The following ZFAT variants were observed in gnomAD, a reference collection of about 807,000 sequenced individuals.
ZFAT encodes the protein zinc finger and AT-hook domain containing, also known as zinc finger protein ZFAT.
A neutral mutation model predicts 117.7 loss-of-function variants in ZFAT; 64 were observed. The ratio of observed to expected loss-of-function variants is 0.54; its 90% CI spans 0.44 to 0.67. The LOEUF is 0.67. Ranked by LOEUF, ZFAT falls within the 30% of genes least tolerant of loss-of-function variation. ZFAT has a pLI of 0.00. For missense variants in ZFAT, 1,433 were observed against 1,584.5 expected, an observed-to-expected ratio of 0.90 and a Z score of 1.62; for synonymous variants, 679 against 615.0, an observed-to-expected ratio of 1.10 and a Z score of -1.54.
At chr8:134,725,678 T>C in the ZFAT span, among the ~76,000 whole-genome samples, 1 of 151,878 alleles carries the variant, frequency 6.6e-6, no homozygotes, top group Non-Finnish European at 1.5e-5. Flanking sequence ...AGAGCCAAAC[T>C]GTATCAAGTG....
At chr8:134,586,692 A>G (rs1826091919) in intron 9 of ZFAT, among the ~76,000 whole-genome samples, 1 of 152,234 alleles carries the variant, frequency 6.6e-6, no homozygotes, top group Non-Finnish European at 1.5e-5. Flanking sequence ...TTCATAACAA[A>G]GAAACAACAC....
At chr8:134,724,545 C>T in the ZFAT span, among the ~76,000 whole-genome samples, 2 of 152,018 alleles carry the variant, frequency 1.3e-5, no homozygotes, top group African/African-American at 2.4e-5. Context: ...GGAAAGATTT[C>T]GTTAGTATAA....
chr8:134,565,991 G>A (rs1470145246), intron 10 of ZFAT, among the ~76,000 whole-genome samples: 1 of 151,860 alleles, frequency 6.6e-6, no homozygotes, highest in East Asian at 1.9e-4. Context: ...GGCCAGCAAA[G>A]TGCAGGATCT....
chr8:134,669,842 T>C (rs973346648), intron 1 of ZFAT, among the ~76,000 whole-genome samples: 8 of 152,200 alleles, frequency 5.3e-5, no homozygotes, highest in African/African-American at 1.7e-4. Context: ...ATCAGTGTGC[T>C]GTATTCAGGA....
chr8:134,627,503 G>A (rs950334271), intron 3 of ZFAT, among the ~76,000 whole-genome samples: 1 of 152,146 alleles, frequency 6.6e-6, no homozygotes, highest in African/African-American at 2.4e-5. Context: ...GAGAGCAGGA[G>A]GAAAAAGAAC....
chr8:134,613,636 T>A (rs921237494), intron 3 of ZFAT, among the ~76,000 whole-genome samples: 16 of 152,306 alleles, frequency 1.1e-4, no homozygotes, highest in Non-Finnish European at 1.8e-4. Context: ...TGGAGTGTGA[T>A]GCCACCTCCC....
intron 15 of ZFAT, among the ~76,000 whole-genome samples, chr8:134,488,076 C>T (rs1336663858): frequency 1.3e-5 from 2 of 152,168 alleles, no homozygotes; most frequent in African/African-American, 2.4e-5. Flanking sequence ...TGCAGCAAGC[C>T]CCAAGTAGGG....
At chr8:134,666,716 AT>A (rs983212661) in intron 1 of ZFAT, among the ~76,000 whole-genome samples, 14 of 152,310 alleles carry the variant, frequency 9.2e-5, no homozygotes, top group African/African-American at 3.4e-4. Flanking sequence ...GAAAAATAAC[AT>A]GAAAAAGAGA....
chr8:134,602,474 G>A lies in ZFAT; in HGVS notation c.1245C>T (p.Asn415=), dbSNP rs200140182. Residue 415 remains asparagine (N), a synonymous_variant, in exon 6 of 16, where the codon AAC becomes AAT. Coordinates refer to ENST00000377838, the MANE Select transcript of ZFAT (RefSeq NM_020863.4). ...GCATATGGCGGTCACGGTCCAGCTC[G>A]TTCTTGAACTTGCGCTCACAGATGT... ...DCHICERKFK[N]ELDRDRHMLV... is the part of the protein sequence containing the mutation. The A allele has an allele frequency of 1.2e-4, 199 of 1,613,854 alleles. No individual in the cohort carries two copies. The highest frequency in any genetic ancestry group is 1.6e-4 in the East Asian group (7 of 44,876).
the ZFAT span, among the ~76,000 whole-genome samples, chr8:134,799,379 C>T: frequency 2.0e-5 from 3 of 152,002 alleles, no homozygotes; most frequent in Admixed American, 2.0e-4. Context: ...TTCACCTATA[C>T]AGAATGTGGA....
At chr8:134,634,988 G>A (rs558609442) in intron 3 of ZFAT, among the ~76,000 whole-genome samples, 65 of 152,304 alleles carry the variant, frequency 4.3e-4, no homozygotes, top group African/African-American at 1.5e-3. Context: ...GTAGATCCCT[G>A]GCATGTGCAG....
intron 1 of ZFAT, among the ~76,000 whole-genome samples, chr8:134,673,851 G>A (rs1324543866): frequency 1.3e-5 from 2 of 152,152 alleles, no homozygotes; most frequent in Non-Finnish European, 2.9e-5. Context: ...AGTGGCTCAC[G>A]CCTATAATCC....
At position 134,596,327 on chromosome 8, in the gene ZFAT, C is replaced by T. The variant is rs557611636; in HGVS notation, c.2475+4109G>A. 3.6e-3 allele frequency among the ~76,000 whole-genome samples: 544 copies of T among 152,338 alleles called. 5 individuals carry two copies. Among genetic ancestry groups the T allele is most frequent in the African/African-American group, 0.012 (507 of 41,576 alleles). ...CCAAGCAGTCTGCACAGTCCACAGA[C>T]GTAGAGCCAGAACCCTGTCCTGTAA... is the stretch of plus-strand genomic sequence containing the variant. On this transcript the variant is annotated intron_variant, in intron 7 of 15. Transcript: ENST00000377838.
chr8:134,600,212 A>G, intron 7 of ZFAT: 1 of 568,072 alleles, frequency 1.8e-6, no homozygotes, highest in South Asian at 2.2e-5. Context: ...AAATTTGCAC[A>G]GGAAACAATT....
At chr8:134,569,987 C>G (rs1824772549) in intron 10 of ZFAT, among the ~76,000 whole-genome samples, 2 of 152,178 alleles carry the variant, frequency 1.3e-5, no homozygotes, top group Admixed American at 1.3e-4. Context: ...TCACCTCCAC[C>G]CAGAGCAAAA....
intron 12 of ZFAT, among the ~76,000 whole-genome samples, chr8:134,525,750 G>A (rs1820983466): frequency 6.6e-6 from 1 of 152,246 alleles, no homozygotes; most frequent in South Asian, 2.1e-4. Context: ...GGTGGAGGCA[G>A]AGGAGGGCAC....
intron 11 of ZFAT, among the ~76,000 whole-genome samples, chr8:134,564,706 G>T (rs1216670817): frequency 1.3e-5 from 2 of 152,190 alleles, no homozygotes; most frequent in African/African-American, 2.4e-5. Context: ...AATTCTCAGG[G>T]TCAAGTTTCC....
At position 134,608,891 on chromosome 8, in the gene ZFAT, G is replaced by A. The variant is rs1828107111; in HGVS notation, c.635-12C>T. The A allele has an allele frequency of 2.5e-6, 4 of 1,597,338 alleles. No homozygotes were observed. Among genetic ancestry groups the A allele is most frequent in the East Asian group, 2.3e-5 (1 of 44,066 alleles). On this transcript the variant is annotated splice_polypyrimidine_tract_variant and intron_variant, in intron 4 of 15. Coordinates refer to ENST00000377838, the MANE Select transcript of ZFAT (RefSeq NM_020863.4). ...AATCTTGGTAGCACCTGAGATTGAT[G>A]CAAAAGGCATTGCTTATTGAGAGGC...
intron 12 of ZFAT, among the ~76,000 whole-genome samples, chr8:134,531,482 G>A (rs140606658): frequency 9.8e-5 from 15 of 152,296 alleles, no homozygotes; most frequent in African/African-American, 3.6e-4. Flanking sequence ...AGCAAGGACT[G>A]AACATGTACT....
Sources: gnomAD v4.1 joint callset for allele counts (sites outside exome capture counted in the v4.1 genomes callset) on GRCh38, gnomAD v4.1.1 for gene constraint, MANE v1.5 for transcripts, NCBI Gene and HGNC (gene_info 2026-07-23, HGNC 2026-07-21) for gene names.